The following SNTG1 variants were observed in gnomAD, a reference collection of about 807,000 sequenced individuals.
The protein encoded by SNTG1 is gamma-1-syntrophin.
Under a neutral mutation model 74.7 loss-of-function variants are expected in SNTG1, and 39 were observed. The observed-to-expected ratio is 0.52, with a 90% CI of 0.40 to 0.68. The LOEUF (loss-of-function observed/expected upper bound fraction) is 0.68. SNTG1 is among the 30% of genes least tolerant of loss of function. The probability of loss-of-function intolerance (pLI) is 0.00; values close to 1 mark genes in which losing one functional copy is unlikely to be tolerated. For synonymous variants in SNTG1, 254 were observed against 217.1 expected (o/e 1.17, Z -1.49); for missense variants, 685 against 609.5 (o/e 1.12, Z -1.30).
At position 50,570,228 on chromosome 8, in the gene SNTG1, T is replaced by TTTA. The variant is rs1234213732; in HGVS notation, c.810+17052_810+17054dup. On this transcript the variant is annotated intron_variant, in intron 12 of 18. Transcript: ENST00000642720. ...TGCTGGTTCATATGGTGGTTCTATTTTTATTTTATTTTATTTTATTTTATT... is the reference window on the plus strand; with the variant it reads ...TGCTGGTTCATATGGTGGTTCTATTTTTATTATTTTATTTTATTTTATTTTATT... Among the ~76,000 whole-genome samples the TTTA allele has an allele frequency of 6.2e-3, 313 of 50,254 alleles. 3 individuals carry two copies. The highest frequency in any genetic ancestry group is 0.013 in the African/African-American group (293 of 22,258). The allele number at this position is 50,254 out of a possible 152,430, so 33.0% of individuals were successfully genotyped here. A position where few individuals can be genotyped will look rare whatever the true frequency, so the allele number is the denominator to read the frequency against.
intron 2 of SNTG1, among the ~76,000 whole-genome samples, chr8:50,367,856 T>G (rs532320326): frequency 6.6e-6 from 1 of 152,082 alleles, no homozygotes; most frequent in African/African-American, 2.4e-5. Context: ...TGCACTGATT[T>G]TGGTACCAGG....
intron 2 of SNTG1, among the ~76,000 whole-genome samples, chr8:50,377,819 T>A (rs576215677): frequency 6.6e-6 from 1 of 152,324 alleles, no homozygotes; most frequent in South Asian, 2.1e-4. Flanking sequence ...TTTAAAAAAA[T>A]TGATTTTGGA....
At chr8:50,027,774 C>G (rs1817392170) in intron 1 of SNTG1, among the ~76,000 whole-genome samples, 1 of 152,184 alleles carries the variant, frequency 6.6e-6, no homozygotes, top group South Asian at 2.1e-4. Context: ...TCATCCAACA[C>G]AATTCATTGT....
At chr8:49,984,497 G>T (rs938773673) in intron 1 of SNTG1, among the ~76,000 whole-genome samples, 2 of 152,014 alleles carry the variant, frequency 1.3e-5, no homozygotes, top group Non-Finnish European at 2.9e-5. Flanking sequence ...GAGCCACTGC[G>T]CCCAGCCTAG....
intron 2 of SNTG1, among the ~76,000 whole-genome samples, chr8:50,270,772 T>C (rs2087736629): frequency 6.6e-6 from 1 of 152,164 alleles, no homozygotes; most frequent in African/African-American, 2.4e-5. Flanking sequence ...CACATATTGA[T>C]TCTGAGTGTA....
intron 2 of SNTG1, among the ~76,000 whole-genome samples, chr8:50,387,099 A>T (rs1003343917): frequency 6.6e-6 from 1 of 152,122 alleles, no homozygotes; most frequent in Non-Finnish European, 1.5e-5. Flanking sequence ...TGCCAACACC[A>T]TAGGCCTCTC....
At chr8:50,598,388 A>G (rs2094746645) in intron 13 of SNTG1, among the ~76,000 whole-genome samples, 2 of 151,922 alleles carry the variant, frequency 1.3e-5, no homozygotes, top group South Asian at 4.1e-4. Flanking sequence ...TTTGTTGGCT[A>G]TAAGTGTATT....
chr8:50,715,126 G>C (rs1023820029), intron 17 of SNTG1, among the ~76,000 whole-genome samples: 1 of 152,078 alleles, frequency 6.6e-6, no homozygotes, highest in South Asian at 2.1e-4. Flanking sequence ...AAGAATGAAG[G>C]CATTGGAATC....
At chr8:50,744,167 C>T (rs969366122) in intron 17 of SNTG1, among the ~76,000 whole-genome samples, 1 of 151,902 alleles carries the variant, frequency 6.6e-6, no homozygotes, top group Admixed American at 6.6e-5. Context: ...GAGATTTAAG[C>T]GGGGACAAAT....
intron 3 of SNTG1, among the ~76,000 whole-genome samples, chr8:50,396,417 C>T (rs575899155): frequency 6.6e-4 from 101 of 152,142 alleles, no homozygotes; most frequent in South Asian, 1.7e-3. Context: ...TGCCAGGACT[C>T]GAATAATGGC....
At chr8:50,040,705 T>C (rs1818561083) in intron 1 of SNTG1, among the ~76,000 whole-genome samples, 1 of 152,142 alleles carries the variant, frequency 6.6e-6, no homozygotes, top group Non-Finnish European at 1.5e-5. Flanking sequence ...GTGAACCTCA[T>C]TTAGACCTGG....
chr8:50,572,281 G>GT, intron 12 of SNTG1, among the ~76,000 whole-genome samples: 1 of 147,156 alleles, frequency 6.8e-6, no homozygotes, highest in Non-Finnish European at 1.5e-5. Context: ...TATATAGAGA[G>GT]AGAGAGAGAG....
intron 15 of SNTG1, among the ~76,000 whole-genome samples, chr8:50,659,356 C>T (rs911288635): frequency 5.9e-5 from 9 of 152,140 alleles, no homozygotes; most frequent in African/African-American, 1.7e-4. Flanking sequence ...GGCTTGGACT[C>T]ACCACAGATT....
At chr8:50,475,817 G>A (rs2093692831) in intron 8 of SNTG1, among the ~76,000 whole-genome samples, 1 of 152,162 alleles carries the variant, frequency 6.6e-6, no homozygotes, top group South Asian at 2.1e-4. Context: ...CAAAGAAAGT[G>A]CTGACTTTGG....
chr8:50,339,759 C>A (rs934815257), intron 2 of SNTG1, among the ~76,000 whole-genome samples: 1 of 151,750 alleles, frequency 6.6e-6, no homozygotes, highest in Non-Finnish European at 1.5e-5. Flanking sequence ...GGGCAACAAA[C>A]GAAAAGCAAG....
intron 9 of SNTG1, among the ~76,000 whole-genome samples, chr8:50,525,532 A>G (rs1017571311): frequency 6.6e-6 from 1 of 152,012 alleles, no homozygotes; most frequent in African/African-American, 2.4e-5. Context: ...GGTGTCATAT[A>G]AATCTCTTAG....
chr8:50,119,366 G>T lies in SNTG1; in HGVS notation c.-102-53195G>T, dbSNP rs1464350301. Among the ~76,000 whole-genome samples, 5 of 140,294 alleles carry T rather than the reference G, an allele frequency of 3.6e-5. 1 individual carries two copies. The highest frequency in any genetic ancestry group is 6.3e-5 in the Non-Finnish European group (4 of 63,288). 92.0% of individuals were successfully genotyped at this position (140,294 alleles called of 152,430 possible). ...TTGGATTAATCAAGTACCTTCAGAG[G>T]CAACTTGTGCTCAGAGGAGTCCTAT... is the stretch of plus-strand genomic sequence containing the variant. On this transcript the variant is annotated intron_variant, in intron 1 of 18. Transcript: ENST00000642720.
intron 11 of SNTG1, among the ~76,000 whole-genome samples, chr8:50,546,225 C>A (rs1275053218): frequency 7.1e-6 from 1 of 141,440 alleles, no homozygotes; most frequent in South Asian, 2.2e-4. Flanking sequence ...ATTGTAGAAG[C>A]AAATTGATAA....
chr8:50,456,962 G>C (rs1247432232), intron 8 of SNTG1: 2 of 152,142 alleles, frequency 1.3e-5, no homozygotes, highest in Non-Finnish European at 2.9e-5. Flanking sequence ...AATGAGGAAT[G>C]CGTGTTATAC....
Sources: gnomAD v4.1 joint callset for allele counts (sites outside exome capture counted in the v4.1 genomes callset) on GRCh38, gnomAD v4.1.1 for gene constraint, MANE v1.5 for transcripts, NCBI Gene and HGNC (gene_info 2026-07-23, HGNC 2026-07-21) for gene names.